Variants in CPEB2 observed in about 807,000 individuals in gnomAD.
CPEB2 encodes cytoplasmic polyadenylation element-binding protein 2.
A neutral mutation model predicts 93.6 loss-of-function variants in CPEB2; 56 were observed. That is an observed-to-expected ratio of 0.60 (90% CI 0.48 to 0.75). The LOEUF (loss-of-function observed/expected upper bound fraction) is 0.75. Ranked by LOEUF, CPEB2 falls within the 30% of genes least tolerant of loss-of-function variation. CPEB2 has a pLI of 0.00. For missense variants in CPEB2, 1,579 were observed against 1,395.1 expected (o/e 1.13, Z -2.10); for synonymous variants, 764 against 586.3 (o/e 1.30, Z -4.38).
intron 6 of CPEB2, among the ~76,000 whole-genome samples, chr4:15,044,765 G>A (rs186094161): frequency 1.5e-3 from 221 of 152,032 alleles, no homozygotes; most frequent in African/African-American, 4.8e-3. Context: ...TTAGCATAGC[G>A]CCCAGTGTCA....
chr4:15,037,898 A>T (rs1056715527), intron 5 of CPEB2, among the ~76,000 whole-genome samples: 2 of 152,156 alleles, frequency 1.3e-5, no homozygotes, highest in African/African-American at 4.8e-5. Context: ...TTTTCTTAAT[A>T]GGTAGGTATT....
chr4:15,019,204 C>G (rs901043494), intron 4 of CPEB2, among the ~76,000 whole-genome samples: 3 of 151,232 alleles, frequency 2.0e-5, no homozygotes. Context: ...AGAAAAAAAT[C>G]GAGAAACTTT....
At chr4:15,060,962 A>G (rs1405836883) in intron 10 of CPEB2, among the ~76,000 whole-genome samples, 2 of 152,182 alleles carry the variant, frequency 1.3e-5, no homozygotes, top group Admixed American at 6.5e-5. Flanking sequence ...GGAGCAAGGG[A>G]AGAATACAGA....
chr4:15,003,264 G>C lies in CPEB2; in HGVS notation c.591G>C (p.Pro197=). The change falls in exon 1 of 12, where the codon CCG becomes CCC. Residue 197 remains proline (P), a synonymous_variant. Coordinates refer to ENST00000538197, the MANE Select transcript of CPEB2 (RefSeq NM_001177382.2). ...LPHPPDSKPP[P]PPPPLHCPGR... ...ACCCTCCGGACTCGAAGCCGCCGCC[G>C]CCGCCTCCGCCGCTCCACTGCCCCG... 1 of 1,523,406 alleles carries C rather than the reference G, an allele frequency of 6.6e-7. No individual in the cohort carries two copies. Among genetic ancestry groups the C allele is most frequent in the Non-Finnish European group, 8.8e-7 (1 of 1,141,360 alleles). The allele number at this position is 1,523,406 out of a possible 1,614,324, so 94.4% of individuals were successfully genotyped here. A position where few individuals can be genotyped will look rare whatever the true frequency, so the allele number is the denominator to read the frequency against.
chr4:15,036,614 T>G (rs977809357), intron 5 of CPEB2, among the ~76,000 whole-genome samples: 1 of 152,236 alleles, frequency 6.6e-6, no homozygotes, highest in Non-Finnish European at 1.5e-5. Context: ...ATTTGAATTA[T>G]ATCTTCTTTA....
rs866848442 is a variant in CPEB2, at chr4:15,053,320, G to T, written c.2371+736G>T. ...CATGAGCCACCATACCCGGCCAAAA[G>T]TTTAATTTCTTTAAGGATAAATGTG... On this transcript the variant is annotated intron_variant, in intron 7 of 11. Transcript: ENST00000538197. 4.6e-5 allele frequency among the ~76,000 whole-genome samples: 7 copies of T among 152,130 alleles called. No homozygotes were observed. In the Middle Eastern group the frequency reaches 0.02, roughly 444 times the overall value.
intron 11 of CPEB2, among the ~76,000 whole-genome samples, chr4:15,063,193 T>A (rs1257320030): frequency 6.6e-6 from 1 of 152,000 alleles, no homozygotes; most frequent in African/African-American, 2.4e-5. Flanking sequence ...AAAGACTATT[T>A]TGGGGACAGG....
Position 15,003,243 on chromosome 4 carries a change from T to C in CPEB2, c.570T>C (p.Pro190=). Residue 190 remains proline (P), a synonymous_variant, in exon 1 of 12, where the codon CCT becomes CCC. Coordinates refer to ENST00000538197, the MANE Select transcript of CPEB2 (RefSeq NM_001177382.2). ...TCAGCCCTCCCCACCTTCCCCACCC[T>C]CCGGACTCGAAGCCGCCGCCGCCGC... ...KEFSPPHLPH[P]PDSKPPPPPP... is the part of the protein sequence containing the mutation. 2.0e-6 allele frequency: 3 copies of C among 1,517,492 alleles called. No homozygotes were observed. The South Asian group carries it at 3.6e-5, about 18-fold the overall frequency. The allele number at this position is 1,517,492 out of a possible 1,614,324, so 94.0% of individuals were successfully genotyped here. A position where few individuals can be genotyped will look rare whatever the true frequency, so the allele number is the denominator to read the frequency against.
In CPEB2 at chr4:15,002,623, G is replaced by A. The variant is rs768526083; in HGVS notation, c.-51G>A. ...CAACCCCAGCGCCGGCGGCTTCCTA[G>A]GTGGGGCAGGGGACGAGGAGCGTCT... On this transcript the variant is annotated 5_prime_UTR_variant, in exon 1 of 12. Coordinates refer to ENST00000538197, the MANE Select transcript of CPEB2 (RefSeq NM_001177382.2). 15 of 1,418,718 alleles carry A rather than the reference G, an allele frequency of 1.1e-5. No homozygotes were observed. Among genetic ancestry groups the A allele is most frequent in the Middle Eastern group, 2.2e-4 (1 of 4,454 alleles). The allele number at this position is 1,418,718 out of a possible 1,614,324, so 87.9% of individuals were successfully genotyped here.
chr4:15,044,470 T>C (rs964618037), intron 6 of CPEB2, among the ~76,000 whole-genome samples: 6 of 152,136 alleles, frequency 3.9e-5, no homozygotes, highest in Non-Finnish European at 7.4e-5. Flanking sequence ...AAACCTAATT[T>C]TAAAGCATAT....
chr4:15,002,598 C>A lies in CPEB2; in HGVS notation c.-76C>A. 1.6e-6 allele frequency: 2 copies of A among 1,280,224 alleles called. No individual in the cohort carries two copies. Among genetic ancestry groups the A allele is most frequent in the Non-Finnish European group, 2.1e-6 (2 of 962,840 alleles). 79.3% of individuals were successfully genotyped at this position (1,280,224 alleles called of 1,614,324 possible). A position where few individuals can be genotyped will look rare whatever the true frequency, so the allele number is the denominator to read the frequency against. ...TCCCCCTCCTTCCACCACGGCCGCG[C>A]AACCCCAGCGCCGGCGGCTTCCTAG... On this transcript the variant is annotated 5_prime_UTR_variant, in exon 1 of 12. Transcript: ENST00000538197.
rs898701664 is a variant in CPEB2 at position 15,058,991 on chromosome 4, C to T, written c.2581-196C>T. On this transcript the variant is annotated intron_variant, in intron 9 of 11. Coordinates refer to ENST00000538197, the MANE Select transcript of CPEB2 (RefSeq NM_001177382.2). ...AAAACTGTCTTCCTCAAAATTGGTC[C>T]CTGGTGCCAAAAAGGTCAGAGACTG... Among the ~76,000 whole-genome samples the T allele has an allele frequency of 3.9e-5, 6 of 152,098 alleles. No individual in the cohort carries two copies. In the East Asian group the frequency reaches 1.2e-3, roughly 29 times the overall value.
chr4:15,045,488 C>T (rs1178214405), intron 6 of CPEB2, among the ~76,000 whole-genome samples: 1 of 151,754 alleles, frequency 6.6e-6, no homozygotes, highest in African/African-American at 2.4e-5. Flanking sequence ...TTCTTGTTGC[C>T]TTGTAGTAGG....
intron 8 of CPEB2, 28 bp from the exon 9 acceptor site, chr4:15,058,393 A>T (rs770142577): frequency 7.4e-7 from 1 of 1,345,464 alleles, no homozygotes; most frequent in Admixed American, 1.8e-5. Context: ...GGCTTGACAT[A>T]TTGCCTCATC....
At position 15,002,592 on chromosome 4, in the gene CPEB2, G is replaced by A. The variant is rs1469035106; in HGVS notation, c.-82G>A. ...ACTGACTCCCCCTCCTTCCACCACG[G>A]CCGCGCAACCCCAGCGCCGGCGGCT... On this transcript the variant is annotated 5_prime_UTR_variant, in exon 1 of 12. Coordinates refer to ENST00000538197, the MANE Select transcript of CPEB2 (RefSeq NM_001177382.2). 9.9e-6 allele frequency: 12 copies of A among 1,213,852 alleles called. No individual in the cohort carries two copies. The highest frequency in any genetic ancestry group is 5.8e-5 in the Admixed American group (2 of 34,526). The allele number at this position is 1,213,852 out of a possible 1,614,324, so 75.2% of individuals were successfully genotyped here.
Position 15,003,929 on chromosome 4 carries a change from C to T in CPEB2, c.1256C>T (p.Pro419Leu), listed in dbSNP as rs1722396733. The change falls in exon 1 of 12, where the codon CCG (proline) becomes CTG (leucine). Residue 419 changes from proline to leucine, a missense_variant. Transcript: ENST00000538197. ...CAGCCGCCCCAGCCGCAGCCGCAGC[C>T]GCCCGGCTCGTCTGCCACCACCCCG... ...PQQPPQPQPQ[P>L]PGSSATTPGG... is the part of the protein sequence containing the mutation. 2 of 1,110,444 alleles carry T rather than the reference C, an allele frequency of 1.8e-6. No individual in the cohort carries two copies. The highest frequency in any genetic ancestry group is 2.3e-6 in the Non-Finnish European group (2 of 861,060). The allele number at this position is 1,110,444 out of a possible 1,614,324, so 68.8% of individuals were successfully genotyped here. A position where few individuals can be genotyped will look rare whatever the true frequency, so the allele number is the denominator to read the frequency against.
At chr4:15,051,111 A>G (rs541960197) in intron 6 of CPEB2, among the ~76,000 whole-genome samples, 10 of 151,734 alleles carry the variant, frequency 6.6e-5, no homozygotes, top group African/African-American at 1.7e-4. Context: ...CTTTCTCCCT[A>G]TTTTGTTTCC....
In CPEB2 at chr4:15,003,053, C is replaced by A. The variant is rs1309686489; in HGVS notation, c.380C>A (p.Thr127Lys). 3 of 1,514,762 alleles carry A rather than the reference C, an allele frequency of 2.0e-6. No homozygotes were observed. Among genetic ancestry groups the A allele is most frequent in the Admixed American group, 2.2e-5 (1 of 44,494 alleles). The allele number at this position is 1,514,762 out of a possible 1,614,324, so 93.8% of individuals were successfully genotyped here. A position where few individuals can be genotyped will look rare whatever the true frequency, so the allele number is the denominator to read the frequency against. Residue 127 changes from threonine (T) to lysine (K), a missense_variant, in exon 1 of 12, where the codon ACG (threonine) becomes AAG (lysine). Coordinates refer to ENST00000538197, the MANE Select transcript of CPEB2 (RefSeq NM_001177382.2). ...KLPDHHPGGG[T>K]IAGVTHLLPS... ...CCCGACCACCACCCCGGCGGCGGCA[C>A]GATCGCGGGTGTGACCCACCTCCTC...
intron 11 of CPEB2, among the ~76,000 whole-genome samples, chr4:15,065,865 C>T (rs553092317): frequency 6.6e-6 from 1 of 152,160 alleles, no homozygotes; most frequent in South Asian, 2.1e-4. Flanking sequence ...CTTGATATCT[C>T]TTTTGTTTTT....
Sources: allele counts gnomAD v4.1 joint callset (sites outside exome capture counted in the v4.1 genomes callset), GRCh38; gene constraint gnomAD v4.1.1; transcripts MANE v1.5; gene names NCBI Gene and HGNC (gene_info 2026-07-23, HGNC 2026-07-21).